Variants in UNC80 observed in about 807,000 individuals in gnomAD.
UNC80 encodes the protein unc-80 subunit of NALCN channel complex, also known as protein unc-80 homolog.
A neutral mutation model predicts 384.6 loss-of-function variants in UNC80; 164 were observed. The ratio of observed to expected loss-of-function variants is 0.43; its 90% CI spans 0.38 to 0.49. The LOEUF is 0.49. UNC80 is among the 20% of genes least tolerant of loss of function. UNC80 has a pLI of 0.00. For missense variants in UNC80, 3,330 were observed against 4,143.0 expected (o/e 0.80, Z 5.39); for synonymous variants, 1,486 against 1,527.8 (o/e 0.97, Z 0.64).
chr2:209,953,485 A>G (rs1039861464), intron 47 of UNC80, among the ~76,000 whole-genome samples: 35 of 151,374 alleles, frequency 2.3e-4, no homozygotes, highest in Non-Finnish European at 1.5e-5. Flanking sequence ...TTTAGAGGGG[A>G]AAACCCACTT....
intron 56 of UNC80, among the ~76,000 whole-genome samples, 169 bp from the exon 57 acceptor site, chr2:209,975,950 C>T (rs996768262): frequency 1.3e-5 from 2 of 152,188 alleles, no homozygotes; most frequent in Admixed American, 1.3e-4. Context: ...GTTTTTGTCT[C>T]GATGTACAGA....
At chr2:209,829,487 C>G in intron 15 of UNC80, 108 bp downstream of exon 15, 1 of 1,180,800 alleles carries the variant, frequency 8.5e-7, no homozygotes, top group East Asian at 2.6e-5. Flanking sequence ...GGAAAAGATA[C>G]GTATGTGTCC....
intron 13 of UNC80, 136 bp from the exon 14 acceptor site, chr2:209,825,771 C>T: frequency 1.3e-6 from 1 of 758,174 alleles, no homozygotes; most frequent in Non-Finnish European, 1.9e-6. Context: ...GAGCCCGTTA[C>T]AATTCTGTTT....
chr2:209,940,706 A>G (rs2091571134), intron 43 of UNC80, among the ~76,000 whole-genome samples: 1 of 152,162 alleles, frequency 6.6e-6, no homozygotes, highest in Non-Finnish European at 1.5e-5. Flanking sequence ...AATCCCAGCT[A>G]CTCAGGGGTC....
chr2:209,939,581 ACCT>A lies in UNC80; in HGVS notation c.6581_6583del (p.Leu2194del), dbSNP rs2091483886. The A allele has an allele frequency of 9.0e-6, 14 of 1,551,096 alleles. No homozygotes were observed. The highest frequency in any genetic ancestry group is 1.2e-5 in the Non-Finnish European group (14 of 1,146,824). On this transcript the variant is annotated inframe_deletion, in exon 43 of 65. Transcript: ENST00000673920. ...TCCCACGTCTCCATGCTTCAGGAAG[ACCT>A]CCTCCGCCTGCCCTCATTCCCTCGT...
chr2:209,897,673 G>A (rs1297464290), intron 28 of UNC80, among the ~76,000 whole-genome samples: 2 of 152,050 alleles, frequency 1.3e-5, no homozygotes. Context: ...TAAAATGGTC[G>A]CTCCACTAAT....
chr2:209,889,682 C>G (rs1450203216), intron 26 of UNC80, among the ~76,000 whole-genome samples: 1 of 152,122 alleles, frequency 6.6e-6, no homozygotes, highest in African/African-American at 2.4e-5. Flanking sequence ...GTGATGTTCC[C>G]CTCCCTATGT....
intron 7 of UNC80, 137 bp downstream of exon 7, chr2:209,793,996 G>A: frequency 8.7e-6 from 9 of 1,039,814 alleles, no homozygotes; most frequent in South Asian, 2.1e-5. Context: ...CTTGGTCAAA[G>A]TATAATTAAT....
At chr2:209,915,424 A>AC in intron 31 of UNC80, among the ~76,000 whole-genome samples, 1 of 137,422 alleles carries the variant, frequency 7.3e-6, no homozygotes, top group East Asian at 2.1e-4. Context: ...AAAAAAAAAA[A>AC]CAAAAACTGG....
intron 23 of UNC80, among the ~76,000 whole-genome samples, chr2:209,877,007 CT>C (rs2084841094): frequency 6.6e-6 from 1 of 152,100 alleles, no homozygotes; most frequent in African/African-American, 2.4e-5. Context: ...AGTAACTTTT[CT>C]AAATATTTGC....
In UNC80 at chr2:209,939,610, A is replaced by G. The variant is rs1267586000; in HGVS notation, c.6604A>G (p.Ser2202Gly). 1.9e-6 allele frequency: 3 copies of G among 1,551,578 alleles called. No homozygotes were observed. Among genetic ancestry groups the G allele is most frequent in the Non-Finnish European group, 2.6e-6 (3 of 1,146,774 alleles). ...CCTCCGCCTGCCCTCATTCCCTCGT[A>G]GTGCTATTGATGCTGAGTTTTCACT... ...DLLRLPSFPRSAIDAEFSLFS... is the reference protein window; with the variant it reads ...DLLRLPSFPRGAIDAEFSLFS... The change falls in exon 43 of 65, where the codon AGT (serine) becomes GGT (glycine). Residue 2202 changes from serine to glycine, a missense_variant. Coordinates refer to ENST00000673920, the MANE Select transcript of UNC80 (RefSeq NM_001371986.1).
intron 25 of UNC80, among the ~76,000 whole-genome samples, chr2:209,886,507 C>G (rs1470793502): frequency 1.3e-5 from 2 of 152,160 alleles, no homozygotes; most frequent in Non-Finnish European, 2.9e-5. Context: ...AAGTCAAATT[C>G]TCAATTTGGG....
At chr2:209,968,946 A>G (rs2092807819) in intron 52 of UNC80, 1 of 152,240 alleles carries the variant, frequency 6.6e-6, no homozygotes, top group Non-Finnish European at 1.5e-5. Context: ...ACTGAACCTG[A>G]CCTGCATATT....
chr2:209,887,957 C>A (rs1418824257), intron 25 of UNC80, 138 bp from the exon 26 acceptor site: 1 of 679,002 alleles, frequency 1.5e-6, no homozygotes, highest in East Asian at 2.8e-5. Context: ...TGGTCACAAT[C>A]TAAAATTAGC....
chr2:209,947,098 G>T (rs1445420499), intron 47 of UNC80, among the ~76,000 whole-genome samples: 1 of 152,136 alleles, frequency 6.6e-6, no homozygotes, highest in Non-Finnish European at 1.5e-5. Context: ...TGATCTCAGG[G>T]TATGGAGGGG....
intron 27 of UNC80, among the ~76,000 whole-genome samples, chr2:209,894,576 G>C (rs1032297060): frequency 6.6e-6 from 1 of 152,174 alleles, no homozygotes; most frequent in Non-Finnish European, 1.5e-5. Flanking sequence ...GGAGAGGCTT[G>C]TTAAAATGCA....
In UNC80 at chr2:209,835,023, G is replaced by A. The variant is rs529994637; in HGVS notation, c.3041+13G>A. On this transcript the variant is annotated intron_variant, in intron 18 of 64. Coordinates refer to ENST00000673920, the MANE Select transcript of UNC80 (RefSeq NM_001371986.1). Reference sequence around the variant, plus strand: ...AGACTCCAGAGCAGTAAGTAGCGTTGGTTTTGTCTCCAGTGCAGACGGCTA... The same window carrying A: ...AGACTCCAGAGCAGTAAGTAGCGTTAGTTTTGTCTCCAGTGCAGACGGCTA... 7 of 1,545,620 alleles carry A rather than the reference G, an allele frequency of 4.5e-6. No individual in the cohort carries two copies. In the East Asian group the frequency reaches 1.7e-4, roughly 38 times the overall value.
At chr2:209,793,469 A>G (rs2077955314) in intron 6 of UNC80, among the ~76,000 whole-genome samples, 1 of 152,224 alleles carries the variant, frequency 6.6e-6, no homozygotes, top group Admixed American at 6.5e-5. Flanking sequence ...TAAGAATAAA[A>G]TGAAATAAAA....
intron 61 of UNC80, among the ~76,000 whole-genome samples, chr2:209,990,579 A>T (rs1417086668): frequency 6.6e-6 from 1 of 152,180 alleles, no homozygotes; most frequent in African/African-American, 2.4e-5. Context: ...ACTTTTGTGC[A>T]TATGGTTATT....
Sources: gnomAD v4.1 joint callset for allele counts (sites outside exome capture counted in the v4.1 genomes callset) on GRCh38, gnomAD v4.1.1 for gene constraint, MANE v1.5 for transcripts, NCBI Gene and HGNC (gene_info 2026-07-23, HGNC 2026-07-21) for gene names.